DAG1: variants seen among roughly 807,000 people sequenced by gnomAD.
The protein encoded by DAG1 is dystroglycan 1 (dystrophin-associated glycoprotein 1).
Under a neutral mutation model 46.1 loss-of-function variants are expected in DAG1, and 8 were observed. The ratio of observed to expected loss-of-function variants is 0.17; its 90% CI spans 0.10 to 0.31. The LOEUF is 0.31. Ranked by LOEUF, DAG1 falls within the 10% of genes least tolerant of loss-of-function variation. DAG1 has a pLI of 1.00. For synonymous variants in DAG1, 495 were observed against 481.8 expected (o/e 1.03, Z -0.36); for missense variants, 1,003 against 1,189.9 (o/e 0.84, Z 2.31).
chr3:49,521,367 G>C (rs538317298), intron 2 of DAG1, among the ~76,000 whole-genome samples: 1 of 151,994 alleles, frequency 6.6e-6, no homozygotes, highest in Non-Finnish European at 1.5e-5. Context: ...GGGTTTCACC[G>C]TGTTAGCCAG....
chr3:49,496,528 T>A (rs931445966), intron 1 of DAG1, among the ~76,000 whole-genome samples: 1 of 151,528 alleles, frequency 6.6e-6, no homozygotes, highest in African/African-American at 2.4e-5. Flanking sequence ...TGGCTAATTT[T>A]TTTTTGTATT....
At chr3:49,497,024 C>A (rs2050331790) in intron 1 of DAG1, among the ~76,000 whole-genome samples, 1 of 151,698 alleles carries the variant, frequency 6.6e-6, no homozygotes, top group Non-Finnish European at 1.5e-5. Context: ...TAGGGGCTGG[C>A]TGTAGTGGCT....
Position 49,510,306 on chromosome 3 carries a change from A to G in DAG1, c.-116-113A>G, listed in dbSNP as rs564970987. The G allele has an allele frequency of 1.8e-5, 11 of 603,210 alleles. No individual in the cohort carries two copies. In the East Asian group the frequency reaches 3.0e-4, roughly 17 times the overall value. 37.4% of individuals were successfully genotyped at this position (603,210 alleles called of 1,614,324 possible). On this transcript the variant is annotated intron_variant, in intron 1 of 2. Transcript: ENST00000308775. The stretch of plus-strand genomic sequence containing the variant: ...TTCTGTATAAGAGACCATGGGGGTA[A>G]GAGGCTTGATCCAACTCGGGGTAGA...
chr3:49,524,860 C>G (rs989021463), intron 2 of DAG1, among the ~76,000 whole-genome samples: 3 of 152,090 alleles, frequency 2.0e-5, no homozygotes, highest in African/African-American at 7.2e-5. Context: ...TGCCTATGTC[C>G]CAGCTACTTG....
intron 2 of DAG1, among the ~76,000 whole-genome samples, chr3:49,528,741 C>T (rs1351846044): frequency 2.7e-4 from 41 of 152,002 alleles, no homozygotes; most frequent in Admixed American, 2.7e-3. Flanking sequence ...GATGATGGCA[C>T]ATCTTAGAGT....
chr3:49,474,592 C>T lies in DAG1; in HGVS notation c.-117+4159C>T, dbSNP rs575843813. ...AACTCCTGACCTCAGGTGATCCACT[C>T]TCCTTGGCCTCCCAAAATGCTAGGA... On this transcript the variant is annotated intron_variant, in intron 1 of 2. Transcript: ENST00000308775. Among the ~76,000 whole-genome samples, 260 of 152,192 alleles carry T rather than the reference C, an allele frequency of 1.7e-3. 1 individual carries two copies. The highest frequency in any genetic ancestry group is 2.8e-3 in the Non-Finnish European group (192 of 68,002).
At chr3:49,490,352 C>CAA (rs1191794390) in intron 1 of DAG1, among the ~76,000 whole-genome samples, 3 of 103,018 alleles carry the variant, frequency 2.9e-5, no homozygotes, top group African/African-American at 1.1e-4. Flanking sequence ...GACTCTGTCT[C>CAA]AAAAAAAAAA....
At chr3:49,490,760 G>A (rs902616371) in intron 1 of DAG1, among the ~76,000 whole-genome samples, 7 of 151,630 alleles carry the variant, frequency 4.6e-5, no homozygotes, top group Non-Finnish European at 8.8e-5. Context: ...TGTAGAGATG[G>A]GGTTTCACCA....
chr3:49,520,123 C>G (rs2050990318), intron 2 of DAG1, among the ~76,000 whole-genome samples: 1 of 152,154 alleles, frequency 6.6e-6, no homozygotes, highest in South Asian at 2.1e-4. Flanking sequence ...GATTTTTTAC[C>G]TCAGGTGGGG....
At chr3:49,519,083 C>T (rs917899605) in intron 2 of DAG1, among the ~76,000 whole-genome samples, 3 of 152,164 alleles carry the variant, frequency 2.0e-5, no homozygotes, top group African/African-American at 4.8e-5. Flanking sequence ...CCTGGCCTGT[C>T]CTGGGCTGGC....
chr3:49,478,187 A>G (rs948857077), intron 1 of DAG1, among the ~76,000 whole-genome samples: 2 of 150,362 alleles, frequency 1.3e-5, no homozygotes, highest in African/African-American at 4.9e-5. Flanking sequence ...GAATTGTTTG[A>G]ATCTTGAATC....
intron 1 of DAG1, among the ~76,000 whole-genome samples, chr3:49,483,852 T>G (rs1310718233): frequency 1.3e-5 from 2 of 151,996 alleles, no homozygotes; most frequent in African/African-American, 4.8e-5. Context: ...TTTTTAAATT[T>G]TTTTGTAGCG....
At chr3:49,471,039 A>G (rs1164857639) in intron 1 of DAG1, 1 of 152,250 alleles carries the variant, frequency 6.6e-6, no homozygotes, top group Non-Finnish European at 1.5e-5. Flanking sequence ...TCTTTTTGCC[A>G]TAAATTCTAA....
chr3:49,493,757 C>T (rs1575362196), intron 1 of DAG1, among the ~76,000 whole-genome samples: 1 of 152,176 alleles, frequency 6.6e-6, no homozygotes, highest in East Asian at 1.9e-4. Context: ...GCCTTGCGTT[C>T]ACCAGGTCAC....
rs1248397261 is a variant in DAG1 at position 49,531,592 on chromosome 3, C to T, written c.1081C>T (p.Pro361Ser). The T allele has an allele frequency of 1.2e-6, 2 of 1,612,908 alleles. No homozygotes were observed. The highest frequency in any genetic ancestry group is 2.2e-5 in the South Asian group (2 of 91,056). The change falls in exon 3 of 3, where the codon CCT becomes TCT. Residue 361 changes from proline (P) to serine (S), a missense_variant. By Grantham distance (74) the Pro-to-Ser change is moderately conservative. Transcript: ENST00000308775. The surrounding 1 kb of genome is among the most constrained non-coding windows in gnomAD (Gnocchi z 7.0). Reference sequence around the variant, plus strand: ...GACCATGGCTCCTCCAGTCAGGGATCCTGTTCCTGGGAAACCCACGGTCAC... The same window carrying T: ...GACCATGGCTCCTCCAGTCAGGGATTCTGTTCCTGGGAAACCCACGGTCAC... ...TETMAPPVRDPVPGKPTVTIR... is the reference protein window; with the variant it reads ...TETMAPPVRDSVPGKPTVTIR...
intron 1 of DAG1, among the ~76,000 whole-genome samples, chr3:49,481,362 A>G (rs1193969308): frequency 1.4e-5 from 2 of 143,570 alleles, no homozygotes; most frequent in African/African-American, 2.6e-5. Flanking sequence ...GTGCCATTGC[A>G]CTCCAGCCTG....
At chr3:49,516,460 C>G (rs933558330) in intron 2 of DAG1, among the ~76,000 whole-genome samples, 2 of 152,264 alleles carry the variant, frequency 1.3e-5, no homozygotes, top group Non-Finnish European at 2.9e-5. Context: ...GGCCCTGTGA[C>G]ACACACACTT....
At chr3:49,476,575 T>C (rs1379982981) in intron 1 of DAG1, among the ~76,000 whole-genome samples, 1 of 152,212 alleles carries the variant, frequency 6.6e-6, no homozygotes, top group Non-Finnish European at 1.5e-5. Context: ...GTTTTTCTTC[T>C]CAGTTATACC....
At chr3:49,486,588 C>T (rs2050034774) in intron 1 of DAG1, among the ~76,000 whole-genome samples, 2 of 151,912 alleles carry the variant, frequency 1.3e-5, no homozygotes, top group Non-Finnish European at 2.9e-5. Context: ...CTGCAAGCTC[C>T]ACCTCGTGGG....
Sources: gnomAD v4.1 joint callset for allele counts (sites outside exome capture counted in the v4.1 genomes callset) on GRCh38, gnomAD v4.1.1 for gene constraint, Gnocchi (gnomAD v3.1) non-coding constraint, MANE v1.5 for transcripts, NCBI Gene and HGNC (gene_info 2026-07-23, HGNC 2026-07-21) for gene names.